FSTL4: variants seen among roughly 807,000 people sequenced by gnomAD.
FSTL4 encodes the protein follistatin-related protein 4.
Under a neutral mutation model 78.2 loss-of-function variants are expected in FSTL4, and 28 were observed. That is an observed-to-expected ratio of 0.36 (90% CI 0.27 to 0.49). The LOEUF is 0.49. FSTL4 is among the 20% of genes least tolerant of loss of function. The probability of loss-of-function intolerance (pLI) is 0.98; values close to 1 mark genes in which losing one functional copy is unlikely to be tolerated. For missense variants in FSTL4, 922 were observed against 1,084.9 expected (o/e 0.85, Z 2.11); for synonymous variants, 422 against 440.5 (o/e 0.96, Z 0.53).
chr5:133,711,914 A>G, the FSTL4 span, among the ~76,000 whole-genome samples: 1 of 152,186 alleles, frequency 6.6e-6, no homozygotes, highest in Non-Finnish European at 1.5e-5. Context: ...TCTTCTCACA[A>G]CAGCACACAG....
At chr5:133,773,894 G>A in the FSTL4 span, among the ~76,000 whole-genome samples, 1 of 152,160 alleles carries the variant, frequency 6.6e-6, no homozygotes, top group East Asian at 1.9e-4. Flanking sequence ...AAGCTTCTAA[G>A]GGTAGACGGG....
intron 3 of FSTL4, among the ~76,000 whole-genome samples, chr5:133,482,324 C>G (rs1212404785): frequency 6.6e-6 from 1 of 152,146 alleles, no homozygotes; most frequent in Non-Finnish European, 1.5e-5. Flanking sequence ...ACCCTAGCAT[C>G]AATGCTGCAG....
chr5:133,250,828 GC>G (rs1752207297), intron 6 of FSTL4, among the ~76,000 whole-genome samples: 1 of 152,342 alleles, frequency 6.6e-6, no homozygotes, highest in East Asian at 1.9e-4. Context: ...GAGTGGCTCC[GC>G]CCTGGGCTCA....
intron 3 of FSTL4, among the ~76,000 whole-genome samples, chr5:133,434,158 T>A (rs1009546673): frequency 6.6e-6 from 1 of 152,050 alleles, no homozygotes; most frequent in African/African-American, 2.4e-5. Flanking sequence ...ATGGTGGCTT[T>A]GACTAGGGCA....
chr5:133,601,273 C>T (rs1399185946), intron 2 of FSTL4, among the ~76,000 whole-genome samples: 1 of 152,164 alleles, frequency 6.6e-6, no homozygotes, highest in Non-Finnish European at 1.5e-5. Flanking sequence ...ATGCATCAAA[C>T]CTCTATTTTG....
At chr5:133,648,139 G>T in the FSTL4 span, among the ~76,000 whole-genome samples, 1 of 152,080 alleles carries the variant, frequency 6.6e-6, no homozygotes, top group Non-Finnish European at 1.5e-5. Flanking sequence ...CCAGTCTCAG[G>T]TATGTCTTTT....
chr5:133,817,394 C>G, the FSTL4 span, among the ~76,000 whole-genome samples: 1 of 152,128 alleles, frequency 6.6e-6, no homozygotes, highest in Non-Finnish European at 1.5e-5. Flanking sequence ...AATAGAGGAG[C>G]TTTCACATAG....
intron 2 of FSTL4, among the ~76,000 whole-genome samples, chr5:133,602,291 G>A (rs757927609): frequency 4.6e-5 from 7 of 152,174 alleles, no homozygotes; most frequent in Non-Finnish European, 8.8e-5. Flanking sequence ...CCCAAAAAGC[G>A]TTACTTCCTC....
chr5:133,784,784 T>C, the FSTL4 span, among the ~76,000 whole-genome samples: 1 of 152,028 alleles, frequency 6.6e-6, no homozygotes, highest in African/African-American at 2.4e-5. Context: ...ACAAAGTTTG[T>C]TTTCAGGTTT....
At chr5:133,791,895 C>G in the FSTL4 span, among the ~76,000 whole-genome samples, 6 of 152,354 alleles carry the variant, frequency 3.9e-5, no homozygotes, top group South Asian at 1.2e-3. Context: ...GTCCTACATT[C>G]CCACTGATCG....
At chr5:133,501,122 A>G (rs1418734148) in intron 3 of FSTL4, among the ~76,000 whole-genome samples, 2 of 152,182 alleles carry the variant, frequency 1.3e-5, no homozygotes, top group South Asian at 4.1e-4. Context: ...GGCAGATCAC[A>G]AGGTGGCCAT....
chr5:133,274,547 G>C (rs960924007), intron 6 of FSTL4, among the ~76,000 whole-genome samples: 21 of 152,182 alleles, frequency 1.4e-4, no homozygotes, highest in African/African-American at 4.8e-4. Context: ...TATTCTGCCT[G>C]ACCCCATTGG....
intron 4 of FSTL4, among the ~76,000 whole-genome samples, chr5:133,341,516 G>A (rs1017142969): frequency 6.6e-6 from 1 of 152,128 alleles, no homozygotes; most frequent in African/African-American, 2.4e-5. Flanking sequence ...GGAAGCAGCA[G>A]AGGATGAGGG....
At chr5:133,371,907 C>T (rs1476705364) in intron 4 of FSTL4, among the ~76,000 whole-genome samples, 8 of 152,326 alleles carry the variant, frequency 5.3e-5, no homozygotes, top group South Asian at 2.1e-4. Flanking sequence ...CTCCCAGGGA[C>T]GGGAAGCCCA....
At chr5:133,267,550 CT>C (rs1292986819) in intron 6 of FSTL4, among the ~76,000 whole-genome samples, 1 of 152,184 alleles carries the variant, frequency 6.6e-6, no homozygotes, top group East Asian at 1.9e-4. Flanking sequence ...GATGCCCAGG[CT>C]GGTCAGAGCA....
Position 133,199,656 on chromosome 5 carries a change from G to C in FSTL4, c.1968C>G (p.Phe656Leu). 1 of 1,614,212 alleles carries C rather than the reference G, an allele frequency of 6.2e-7. No individual in the cohort carries two copies. The highest frequency in any genetic ancestry group is 8.5e-7 in the Non-Finnish European group (1 of 1,180,036). The change falls in exon 16 of 16, where the codon TTC becomes TTG. Residue 656 changes from phenylalanine to leucine, a missense_variant. Coordinates refer to ENST00000265342, the MANE Select transcript of FSTL4 (RefSeq NM_015082.2). The surrounding 1 kb of genome is among the most constrained non-coding windows in gnomAD (Gnocchi z 4.4). Reference sequence around the variant, plus strand: ...GGCTGTCCTGTCGGCACTGGATGAAGAAGTAGCCGCCCAGGTGGGTGTGTG... The same window carrying C: ...GGCTGTCCTGTCGGCACTGGATGAACAAGTAGCCGCCCAGGTGGGTGTGTG... ...AMAHTHLGGY[F>L]FIQCRQDSPA...
At chr5:133,345,556 GT>G in intron 4 of FSTL4, among the ~76,000 whole-genome samples, 1 of 152,226 alleles carries the variant, frequency 6.6e-6, no homozygotes, top group Non-Finnish European at 1.5e-5. Flanking sequence ...ACGGTTTTAG[GT>G]TTTACATTTA....
At chr5:133,364,501 C>A (rs1471537265) in intron 4 of FSTL4, among the ~76,000 whole-genome samples, 1 of 152,230 alleles carries the variant, frequency 6.6e-6, no homozygotes, top group Non-Finnish European at 1.5e-5. Flanking sequence ...ATGATGAAGA[C>A]TCCCTGCTCC....
the FSTL4 span, among the ~76,000 whole-genome samples, chr5:133,691,098 C>T: frequency 6.6e-6 from 1 of 152,270 alleles, no homozygotes; most frequent in East Asian, 1.9e-4. Context: ...ATCGGTTTTT[C>T]AGGATGTCTC....
Sources: allele counts gnomAD v4.1 joint callset (sites outside exome capture counted in the v4.1 genomes callset), GRCh38; gene constraint gnomAD v4.1.1; non-coding constraint Gnocchi (gnomAD v3.1); transcripts MANE v1.5; gene names NCBI Gene and HGNC (gene_info 2026-07-23, HGNC 2026-07-21).